The following LAMA5 variants were observed in gnomAD, a reference collection of about 807,000 sequenced individuals.
LAMA5 encodes the protein laminin subunit alpha 5.
In LAMA5, 260 loss-of-function variants were observed where a neutral mutation model predicts 433.4. The observed-to-expected ratio is 0.60, with a 90% CI of 0.54 to 0.66. LAMA5 has a LOEUF of 0.66. LAMA5 is among the 30% of genes least tolerant of loss of function. LAMA5 has a pLI of 0.00. For synonymous variants in LAMA5, 2,620 were observed against 2,226.6 expected, an observed-to-expected ratio of 1.18 and a Z score of -4.97; for missense variants, 5,378 against 5,258.5, an observed-to-expected ratio of 1.02 and a Z score of -0.70.
chr20:62,325,975 C>T (rs1245844898), intron 40 of LAMA5, among the ~76,000 whole-genome samples: 1 of 152,152 alleles, frequency 6.6e-6, no homozygotes, highest in East Asian at 1.9e-4. Context: ...AATCCCAGCA[C>T]TTTGGGAGGC....
intron 28 of LAMA5, 144 bp downstream of exon 28, chr20:62,332,228 C>T: frequency 1.6e-6 from 1 of 626,836 alleles, no homozygotes; most frequent in Non-Finnish European, 2.8e-6. Context: ...GGAGGGGTTC[C>T]AGAAGAAACA....
At chr20:62,361,079 G>A (rs553032849) in intron 2 of LAMA5, among the ~76,000 whole-genome samples, 21 of 152,242 alleles carry the variant, frequency 1.4e-4, no homozygotes, top group African/African-American at 5.1e-4. Flanking sequence ...ACTCGCCAGT[G>A]CCCAGCTTCC....
At chr20:62,360,854 A>G (rs918942463) in intron 2 of LAMA5, among the ~76,000 whole-genome samples, 3 of 152,082 alleles carry the variant, frequency 2.0e-5, no homozygotes, top group African/African-American at 4.8e-5. Context: ...CAGTTCATAC[A>G]TGTGCACCGA....
At position 62,336,766 on chromosome 20, in the gene LAMA5, C is replaced by T. The variant is rs758295582; in HGVS notation, c.2185G>A (p.Gly729Ser). 26 of 1,612,760 alleles carry T rather than the reference C, an allele frequency of 1.6e-5. No homozygotes were observed. Among genetic ancestry groups the T allele is most frequent in the African/African-American group, 4.0e-5 (3 of 74,906 alleles). Residue 729 changes from glycine (G) to serine (S), a missense_variant, in exon 17 of 80, where the codon GGT (glycine) becomes AGT (serine). By Grantham distance (56) the Gly-to-Ser change is moderately conservative. Transcript: ENST00000252999. ...AGGGCAGGATCCACTGGGGCCAGAC[C>T]GGCAGGGTGGCAAGAGCCAGCTGTG... is the stretch of plus-strand genomic sequence containing the variant. ...YCEAGSCHPA[G>S]LAPVDPALPE... is the part of the protein sequence containing the mutation.
chr20:62,310,238 G>T lies in LAMA5; in HGVS notation c.10674C>A (p.Ile3558=), dbSNP rs779354485. ...EVRPLAVTGL[I]FHLGQARTPP... is the part of the protein sequence containing the mutation. The stretch of plus-strand genomic sequence containing the variant: ...GCGTCCGGGCCTGGCCCAAGTGGAA[G>T]ATCAGTCCGGTGACTGCCAGGGGCC... The change falls in exon 77 of 80, where the codon ATC becomes ATA. Residue 3558 remains isoleucine (I), a synonymous_variant. Coordinates refer to ENST00000252999, the MANE Select transcript of LAMA5 (RefSeq NM_005560.6). 1 of 1,612,544 alleles carries T rather than the reference G, an allele frequency of 6.2e-7. No homozygotes were observed. The highest frequency in any genetic ancestry group is 1.1e-5 in the South Asian group (1 of 91,060).
Position 62,309,227 on chromosome 20 carries a change from A to C in LAMA5, c.*109T>G, listed in dbSNP as rs529044781. The C allele has an allele frequency of 6.5e-6, 7 of 1,073,948 alleles. No individual in the cohort carries two copies. The African/African-American group carries it at 8.0e-5, about 12-fold the overall frequency. The allele number at this position is 1,073,948 out of a possible 1,614,324, so 66.5% of individuals were successfully genotyped here. A position where few individuals can be genotyped will look rare whatever the true frequency, so the allele number is the denominator to read the frequency against. ...AACTTAAACCATCTTCAGAAACAAG[A>C]TCTGTCACCCGTAGAGCTTAGAGTC... On this transcript the variant is annotated 3_prime_UTR_variant, in exon 80 of 80. Transcript: ENST00000252999.
chr20:62,360,909 G>C lies in LAMA5; in HGVS notation c.450+1491C>G, dbSNP rs192483352. The stretch of plus-strand genomic sequence containing the variant: ...CCAAGGGGTGGTGGAGCCCAGGCTC[G>C]TGGGTCCGAGTGTCAGTCCCGGCTT... On this transcript the variant is annotated intron_variant, in intron 2 of 79. Coordinates refer to ENST00000252999, the MANE Select transcript of LAMA5 (RefSeq NM_005560.6). Among the ~76,000 whole-genome samples the C allele has an allele frequency of 7.9e-5, 12 of 152,206 alleles. No individual in the cohort carries two copies. In the East Asian group the frequency reaches 1.4e-3, roughly 17 times the overall value.
chr20:62,348,648 A>AT (rs1457443235), intron 6 of LAMA5, among the ~76,000 whole-genome samples: 1 of 152,084 alleles, frequency 6.6e-6, no homozygotes, highest in Admixed American at 6.5e-5. Flanking sequence ...CTAAAACATA[A>AT]TAATAAAAAA....
chr20:62,330,219 T>A (rs924911952), intron 31 of LAMA5, among the ~76,000 whole-genome samples: 2 of 152,250 alleles, frequency 1.3e-5, no homozygotes, highest in Non-Finnish European at 2.9e-5. Flanking sequence ...GCCAGCGGCA[T>A]CCTGGGGCAA....
chr20:62,336,130 CCT>C (rs973590370), intron 18 of LAMA5, among the ~76,000 whole-genome samples: 6 of 149,994 alleles, frequency 4.0e-5, no homozygotes, highest in Admixed American at 2.6e-4. Flanking sequence ...TCGCAGCCCC[CCT>C]GAGGAACCCC....
At position 62,323,853 on chromosome 20, in the gene LAMA5, G is replaced by T; in HGVS notation, c.5772C>A (p.Phe1924Leu). The change falls in exon 44 of 80, where the codon TTC becomes TTA. Residue 1924 changes from phenylalanine (F) to leucine (L), a missense_variant. Phe to Leu is a conservative substitution (Grantham distance 22). Coordinates refer to ENST00000252999, the MANE Select transcript of LAMA5 (RefSeq NM_005560.6). ...CGCCTCGCAGGACACAGCCCTCGGCGAAGCTGCAAAGACCAGCAGCGTCAG... is the reference window on the plus strand; with the variant it reads ...CGCCTCGCAGGACACAGCCCTCGGCTAAGCTGCAAAGACCAGCAGCGTCAG... ...PCPLSVPSNNFAEGCVLRGGR... is the reference protein window; with the variant it reads ...PCPLSVPSNNLAEGCVLRGGR... 1 of 1,603,722 alleles carries T rather than the reference G, an allele frequency of 6.2e-7. No individual in the cohort carries two copies.
Position 62,363,129 on chromosome 20 carries a change from C to T in LAMA5, c.298-577G>A, listed in dbSNP as rs1457282265. Among the ~76,000 whole-genome samples the T allele has an allele frequency of 4.6e-5, 7 of 152,276 alleles. No homozygotes were observed. In the East Asian group the frequency reaches 5.8e-4, roughly 13 times the overall value. On this transcript the variant is annotated intron_variant, in intron 1 of 79. Transcript: ENST00000252999. ...AGGACCGTCAGGGCCGGGATCCAGGCGGCCAGACCCCCCCCCACCTCCAGA... is the reference window on the plus strand; with the variant it reads ...AGGACCGTCAGGGCCGGGATCCAGGTGGCCAGACCCCCCCCCACCTCCAGA...
At chr20:62,364,406 G>A (rs1051524769) in intron 1 of LAMA5, among the ~76,000 whole-genome samples, 11 of 152,204 alleles carry the variant, frequency 7.2e-5, no homozygotes, top group Non-Finnish European at 1.6e-4. Flanking sequence ...TCAAGGGTCA[G>A]CCTCTACTCT....
At chr20:62,312,587 C>G in intron 67 of LAMA5, 45 bp downstream of exon 67, 1 of 1,599,552 alleles carries the variant, frequency 6.3e-7, no homozygotes, top group Non-Finnish European at 8.5e-7. Flanking sequence ...CAGCCTACCG[C>G]CCCAACAGCC....
In LAMA5 at chr20:62,334,355, G is replaced by A. The variant is rs1357778800; in HGVS notation, c.2583-13C>T. On this transcript the variant is annotated splice_polypyrimidine_tract_variant and intron_variant, in intron 21 of 79. Transcript: ENST00000252999. ...GTCCCTCGCAGGCCTGGCCACAGCA[G>A]GGGCTGGTCAGGTGCAGCTTGGCCA... 2 of 1,585,852 alleles carry A rather than the reference G, an allele frequency of 1.3e-6. No homozygotes were observed. Among genetic ancestry groups the A allele is most frequent in the South Asian group, 2.3e-5 (2 of 87,596 alleles).
Position 62,312,542 on chromosome 20 carries a change from A to AGCGGGGAT in LAMA5, c.9228-18_9228-11dup, listed in dbSNP as rs750816384. 9 of 1,599,252 alleles carry AGCGGGGAT rather than the reference A, an allele frequency of 5.6e-6. No homozygotes were observed. The East Asian group carries it at 1.1e-4, about 20-fold the overall frequency. Reference sequence around the variant, plus strand: ...GAAGAGCCGTCGCAGGCTGTGGGGAAGCGGGGATGCGGGTCAGGGCGCCAC... The same window carrying AGCGGGGAT: ...GAAGAGCCGTCGCAGGCTGTGGGGAAGCGGGGATGCGGGGATGCGGGTCAGGGCGCCAC... On this transcript the variant is annotated splice_polypyrimidine_tract_variant and intron_variant, in intron 67 of 79. Coordinates refer to ENST00000252999, the MANE Select transcript of LAMA5 (RefSeq NM_005560.6).
intron 10 of LAMA5, 59 bp from the exon 11 acceptor site, chr20:62,345,936 C>A (rs1021358036): frequency 1.2e-5 from 18 of 1,554,548 alleles, no homozygotes; most frequent in Admixed American, 1.9e-5. Context: ...CACCCTACAC[C>A]CCCTGCCACC....
At position 62,328,285 on chromosome 20, in the gene LAMA5, C is replaced by T. The variant is rs777819731; in HGVS notation, c.4608G>A (p.Gln1536=). Reference sequence around the variant, plus strand: ...TGTCACAGGTAGGGTCTGTGAGCTCCTGGATGCCGGGCCCTGAGCAGTTAC... The same window carrying T: ...TGTCACAGGTAGGGTCTGTGAGCTCTTGGATGCCGGGCCCTGAGCAGTTAC... ...EECNCSGPGI[Q]ELTDPTCDTD... The change falls in exon 35 of 80, where the codon CAG becomes CAA. Residue 1536 remains glutamine (Q), a synonymous_variant. Transcript: ENST00000252999. 6.2e-7 allele frequency: 1 copy of T among 1,608,480 alleles called. No individual in the cohort carries two copies. The highest frequency in any genetic ancestry group is 1.7e-5 in the Admixed American group (1 of 59,424).
rs373177574 is a variant in LAMA5, at chr20:62,313,323, G to A, written c.8792+4C>T. On this transcript the variant is annotated splice_donor_region_variant and intron_variant, in intron 64 of 79. Transcript: ENST00000252999. ...TGGAGACGGGGAGGGCAGGCCACAC[G>A]CACCGGGCACAAGGCCTGTCCACAG... 1,208 of 1,551,238 alleles carry A rather than the reference G, an allele frequency of 7.8e-4. 2 individuals are homozygous for A. The highest frequency in any genetic ancestry group is 9.7e-4 in the Non-Finnish European group (1,113 of 1,147,906).
Sources: allele counts gnomAD v4.1 joint callset (sites outside exome capture counted in the v4.1 genomes callset), GRCh38; gene constraint gnomAD v4.1.1; transcripts MANE v1.5; gene names NCBI Gene and HGNC (gene_info 2026-07-23, HGNC 2026-07-21).